Variants in RAD51B observed in about 807,000 individuals in gnomAD.
RAD51B encodes DNA repair protein RAD51 homolog 2.
A neutral mutation model predicts 42.2 loss-of-function variants in RAD51B; 38 were observed. That is an observed-to-expected ratio of 0.90 (90% CI 0.70 to 1.18). The LOEUF is 1.18. Among genes scored for constraint, RAD51B ranks in the 50% most tolerant of loss-of-function variants. RAD51B has a pLI of 0.00. For synonymous variants in RAD51B, 154 were observed against 145.2 expected (o/e 1.06, Z -0.43); for missense variants, 373 against 400.7 (o/e 0.93, Z 0.59).
At chr14:68,079,601 C>G (rs1484224154) in intron 7 of RAD51B, among the ~76,000 whole-genome samples, 1 of 152,156 alleles carries the variant, frequency 6.6e-6, no homozygotes, top group East Asian at 1.9e-4. Flanking sequence ...GCCTGCCTTT[C>G]AAATGAAATC....
intron 7 of RAD51B, among the ~76,000 whole-genome samples, chr14:68,055,564 G>A (rs1450978914): frequency 1.3e-5 from 2 of 152,092 alleles, no homozygotes; most frequent in Non-Finnish European, 1.5e-5. Context: ...CTTAATTTTA[G>A]TCCTTGTATT....
chr14:68,232,254 A>G (rs2080163489), intron 7 of RAD51B, among the ~76,000 whole-genome samples: 2 of 152,184 alleles, frequency 1.3e-5, no homozygotes, highest in Admixed American at 1.3e-4. Flanking sequence ...GTCCCCAGTA[A>G]AGGGAATTGG....
rs564312040 is a variant in RAD51B, at chr14:67,820,443, A to G, written c.-3+590A>G. Among the ~76,000 whole-genome samples the G allele has an allele frequency of 2.6e-5, 4 of 152,108 alleles. No individual in the cohort carries two copies. The South Asian group carries it at 8.3e-4, about 32-fold the overall frequency. ...AGTTGTTGAACATCTAACATGAAGA[A>G]TTTTCTTTTCTTGGTGGTAAGGAGG... On this transcript the variant is annotated intron_variant, in intron 1 of 10. Transcript: ENST00000471583.
intron 7 of RAD51B, among the ~76,000 whole-genome samples, chr14:67,934,583 C>G (rs2044866161): frequency 6.6e-6 from 1 of 152,048 alleles, no homozygotes; most frequent in African/African-American, 2.4e-5. Context: ...AATATCTCAA[C>G]TTAAAATCTT....
intron 5 of RAD51B, among the ~76,000 whole-genome samples, chr14:67,881,229 G>A (rs1255583567): frequency 6.6e-6 from 1 of 152,196 alleles, no homozygotes; most frequent in East Asian, 1.9e-4. Context: ...CATGACTGTG[G>A]TTTTTTATTC....
At chr14:68,493,135 G>A (rs1196222087) in intron 10 of RAD51B, among the ~76,000 whole-genome samples, 3 of 151,930 alleles carry the variant, frequency 2.0e-5, no homozygotes, top group Admixed American at 6.6e-5. Flanking sequence ...CACCTGGAGG[G>A]GTCCCCTGCT....
At chr14:68,375,900 A>T (rs2083358948) in intron 8 of RAD51B, among the ~76,000 whole-genome samples, 1 of 152,110 alleles carries the variant, frequency 6.6e-6, no homozygotes. Context: ...AGGAGAGAAG[A>T]TGATGCTATT....
intron 5 of RAD51B, among the ~76,000 whole-genome samples, chr14:67,879,640 T>A (rs978695696): frequency 7.9e-5 from 12 of 152,156 alleles, no homozygotes; most frequent in Admixed American, 4.6e-4. Context: ...AATAAATACA[T>A]TTTTGACTAA....
chr14:68,006,232 T>G (rs2075589934), intron 7 of RAD51B, among the ~76,000 whole-genome samples: 1 of 152,234 alleles, frequency 6.6e-6, no homozygotes, highest in African/African-American at 2.4e-5. Context: ...CTTAATGACA[T>G]GCAGAAGTTC....
rs1889377361 is a variant in RAD51B at position 68,565,483 on chromosome 14, CTG to C, written c.1037-29000_1037-28999del. Among the ~76,000 whole-genome samples, 1 of 151,752 alleles carries C rather than the reference CTG, an allele frequency of 6.6e-6. No homozygotes were observed. Among genetic ancestry groups the C allele is most frequent in the Non-Finnish European group, 1.5e-5 (1 of 67,952 alleles). On this transcript the variant is annotated intron_variant, in intron 10 of 10. Coordinates refer to the RAD51B transcript ENST00000487270. This position sits in a 1 kb window ranked among gnomAD's most constrained non-coding sequence, Gnocchi z 4.1. The stretch of plus-strand genomic sequence containing the variant: ...TAAGAGGAGACTTCAGAGTGAGACT[CTG>C]TCTCAAAAAAAAAAGAAGTTCTTTC...
At chr14:68,098,826 G>A (rs935006395) in intron 7 of RAD51B, among the ~76,000 whole-genome samples, 8 of 152,208 alleles carry the variant, frequency 5.3e-5, no homozygotes, top group African/African-American at 1.9e-4. Flanking sequence ...CTCAAGCAAG[G>A]CATATCTAAA....
intron 11 of RAD51B, among the ~76,000 whole-genome samples, chr14:68,654,022 CAAG>C (rs1351663059): frequency 6.6e-6 from 1 of 152,172 alleles, no homozygotes; most frequent in Non-Finnish European, 1.5e-5. Flanking sequence ...TTAGGGAAAG[CAAG>C]AAGGTTTGTA....
At chr14:67,936,425 C>T (rs1425386036) in intron 7 of RAD51B, among the ~76,000 whole-genome samples, 1 of 152,144 alleles carries the variant, frequency 6.6e-6, no homozygotes. Flanking sequence ...TATCAGTATT[C>T]TTCATTCCTT....
chr14:68,258,111 G>A (rs2080792923), intron 7 of RAD51B, among the ~76,000 whole-genome samples: 1 of 152,140 alleles, frequency 6.6e-6, no homozygotes, highest in Admixed American at 6.5e-5. Flanking sequence ...AGCTGTGTGA[G>A]TGATATGATT....
At chr14:68,530,126 T>G (rs543589423) in intron 10 of RAD51B, among the ~76,000 whole-genome samples, 42 of 151,384 alleles carry the variant, frequency 2.8e-4, no homozygotes, top group Non-Finnish European at 4.4e-4. Flanking sequence ...TAAACCTATC[T>G]ACCTCAAGGA....
At chr14:68,341,064 A>T (rs1205481447) in intron 8 of RAD51B, among the ~76,000 whole-genome samples, 1 of 152,238 alleles carries the variant, frequency 6.6e-6, no homozygotes. Flanking sequence ...TGCCACTAAG[A>T]TGAGCTGGGC....
intron 7 of RAD51B, among the ~76,000 whole-genome samples, chr14:68,118,069 A>G (rs1595423512): frequency 1.3e-5 from 2 of 152,214 alleles, no homozygotes; most frequent in East Asian, 3.8e-4. Context: ...CAGTTCTATA[A>G]TTTAAAAAAT....
chr14:68,091,856 A>AT (rs1490644933), intron 7 of RAD51B, among the ~76,000 whole-genome samples: 2 of 152,172 alleles, frequency 1.3e-5, no homozygotes, highest in Non-Finnish European at 2.9e-5. Flanking sequence ...TCTTTAATCC[A>AT]TCTTGAATTA....
chr14:68,092,417 G>A (rs1365827623), intron 7 of RAD51B, among the ~76,000 whole-genome samples: 1 of 152,094 alleles, frequency 6.6e-6, no homozygotes, highest in Non-Finnish European at 1.5e-5. Flanking sequence ...TCCTTCACAT[G>A]CCTTGTAAGT....
Sources: allele counts gnomAD v4.1 joint callset (sites outside exome capture counted in the v4.1 genomes callset), GRCh38; gene constraint gnomAD v4.1.1; non-coding constraint Gnocchi (gnomAD v3.1); transcripts MANE v1.5; gene names NCBI Gene and HGNC (gene_info 2026-07-23, HGNC 2026-07-21).